Variants in NSD1 observed in about 807,000 individuals in gnomAD.
NSD1 encodes the protein histone-lysine N-methyltransferase, H3 lysine-36 specific.
In NSD1, 26 loss-of-function variants were observed where a neutral mutation model predicts 242.7. The ratio of observed to expected loss-of-function variants is 0.11; its 90% CI spans 0.08 to 0.15. The LOEUF is 0.15. Among genes scored for constraint, NSD1 ranks in the 10% least tolerant of loss-of-function variants. The pLI, the probability that NSD1 is intolerant of heterozygous loss-of-function variation, is 1.00. For synonymous variants in NSD1, 1,106 were observed against 1,178.1 expected (o/e 0.94, Z 1.25); for missense variants, 2,495 against 3,272.8 (o/e 0.76, Z 5.80).
chr5:177,278,009 G>C (rs910077454), intron 17 of NSD1, among the ~76,000 whole-genome samples: 1 of 152,202 alleles, frequency 6.6e-6, no homozygotes, highest in African/African-American at 2.4e-5. Context: ...GTTGTTGTCT[G>C]TCCCCTTAGA....
intron 20 of NSD1, chr5:177,288,600 A>G: frequency 2.0e-6 from 1 of 500,936 alleles, no homozygotes; most frequent in South Asian, 2.3e-5. Context: ...AGGAAGAGTT[A>G]TCTTAAATAT....
intron 2 of NSD1, among the ~76,000 whole-genome samples, chr5:177,162,222 C>T (rs968691443): frequency 2.0e-5 from 3 of 151,392 alleles, no homozygotes; most frequent in Non-Finnish European, 2.9e-5. Context: ...TGCTTCAACC[C>T]GGGAGGTGGA....
Position 177,300,057 on chromosome 5 carries a change from G to GCCCCCCCCCCCCCCCC in NSD1, c.*4611_*4612insCCCCCCCCCCCCCCCC, listed in dbSNP as rs60995782. On this transcript the variant is annotated 3_prime_UTR_variant, in exon 23 of 23. Coordinates refer to ENST00000439151, the MANE Select transcript of NSD1 (RefSeq NM_022455.5). ...AGGTCCATCATTGCTTTTTTGCCGC[G>GCCCCCCCCCCCCCCCC]CCCCCCCCCCCCCGCCCCCATAGAT... 1 of 129,928 alleles carries GCCCCCCCCCCCCCCCC rather than the reference G, an allele frequency of 7.7e-6. No homozygotes were observed. The allele number at this position is 129,928 out of a possible 1,614,324, so 8.0% of individuals were successfully genotyped here.
chr5:177,299,484 G>GT lies in NSD1; in HGVS notation c.*4027dup. The GT allele has an allele frequency of 4.3e-6, 1 of 233,324 alleles. No individual in the cohort carries two copies. Among genetic ancestry groups the GT allele is most frequent in the Non-Finnish European group, 8.5e-6 (1 of 118,086 alleles). The allele number at this position is 233,324 out of a possible 1,614,324, so 14.5% of individuals were successfully genotyped here. A position where few individuals can be genotyped will look rare whatever the true frequency, so the allele number is the denominator to read the frequency against. On this transcript the variant is annotated 3_prime_UTR_variant, in exon 23 of 23. Transcript: ENST00000439151. ...CCGTCCACGCTGCCTGGAGCAGGTTGTTAGAGAGCTCTGGTTGTTGGGTCT... is the reference window on the plus strand; with the variant it reads ...CCGTCCACGCTGCCTGGAGCAGGTTGTTTAGAGAGCTCTGGTTGTTGGGTCT...
rs896220130 is a variant in NSD1 at position 177,201,537 on chromosome 5, C to G, written c.1064-2583C>G. Among the ~76,000 whole-genome samples, 16 of 149,024 alleles carry G rather than the reference C, an allele frequency of 1.1e-4. 1 individual carries two copies. The highest frequency in any genetic ancestry group is 2.1e-4 in the Non-Finnish European group (14 of 67,420). Reference sequence around the variant, plus strand: ...CCTTTGAGGGTTCTGTGCCCTCATACTATAATTCTATCTTTAACTGTTTAC... The same window carrying G: ...CCTTTGAGGGTTCTGTGCCCTCATAGTATAATTCTATCTTTAACTGTTTAC... On this transcript the variant is annotated intron_variant, in intron 3 of 22. Coordinates refer to ENST00000439151, the MANE Select transcript of NSD1 (RefSeq NM_022455.5).
rs139502611 is a variant in NSD1, at chr5:177,257,311, A to G, written c.4966+160A>G. Among the ~76,000 whole-genome samples the G allele has an allele frequency of 7.8e-3, 1,173 of 149,570 alleles. 19 individuals carry two copies. Among genetic ancestry groups the G allele is most frequent in the African/African-American group, 0.024 (988 of 40,416 alleles). On this transcript the variant is annotated intron_variant, in intron 13 of 22. Coordinates refer to ENST00000439151, the MANE Select transcript of NSD1 (RefSeq NM_022455.5). The stretch of plus-strand genomic sequence containing the variant: ...AGTGGCGTGATCTTGGCCCACTGCA[A>G]GCTCCGCCTCCTGGGTTCACGCCAT...
chr5:177,268,521 A>G (rs1757701830), intron 15 of NSD1, among the ~76,000 whole-genome samples: 1 of 152,134 alleles, frequency 6.6e-6, no homozygotes, highest in South Asian at 2.1e-4. Context: ...GGAAAGCACA[A>G]AGGATGTAAC....
chr5:177,200,739 C>T (rs1397382380), intron 3 of NSD1, among the ~76,000 whole-genome samples: 1 of 151,884 alleles, frequency 6.6e-6, no homozygotes, highest in Non-Finnish European at 1.5e-5. Context: ...ATTTCTTTCT[C>T]TCTCTCTCAA....
chr5:177,132,747 C>G (rs1054768051), upstream of NSD1, among the ~76,000 whole-genome samples: 4 of 151,916 alleles, frequency 2.6e-5, no homozygotes, highest in Admixed American at 2.6e-4. The surrounding 1 kb of genome is among the most constrained non-coding windows in gnomAD (Gnocchi z 7.5). Context: ...GCGGGTAACC[C>G]GACCCGGCTC....
At position 177,294,186 on chromosome 5, in the gene NSD1, G is replaced by C. The variant is rs1760084366; in HGVS notation, c.6818G>C (p.Cys2273Ser). The change falls in exon 23 of 23, where the codon TGT becomes TCT. Residue 2273 changes from cysteine to serine, a missense_variant. Physicochemically the swap from Cys to Ser is moderately radical, Grantham distance 112. Around this residue, in one of 19 missense-constraint regions of NSD1, gnomAD observed 475 missense variants for 563.7 expected, o/e 0.84. Coordinates refer to ENST00000439151, the MANE Select transcript of NSD1 (RefSeq NM_022455.5). The part of the protein sequence containing the change: ...SLSKKALAGT[C>S]QRPLLPERPL... ...TCCAAAAAAGCTCTGGCAGGGACTTGTCAGAGGCCATTGCTACCTGAAAGA... is the reference window on the plus strand; with the variant it reads ...TCCAAAAAAGCTCTGGCAGGGACTTCTCAGAGGCCATTGCTACCTGAAAGA... The C allele has an allele frequency of 1.2e-6, 2 of 1,614,050 alleles. No individual in the cohort carries two copies. Among genetic ancestry groups the C allele is most frequent in the Non-Finnish European group, 1.7e-6 (2 of 1,180,038 alleles).
chr5:177,219,301 T>C (rs1179447230), intron 5 of NSD1, among the ~76,000 whole-genome samples: 2 of 151,960 alleles, frequency 1.3e-5, no homozygotes, highest in African/African-American at 4.8e-5. Context: ...TTGTCCTGCC[T>C]CAGCCTCCCA....
Position 177,210,395 on chromosome 5 carries a change from C to G in NSD1, c.1996C>G (p.Pro666Ala). ...GTCTGATAACAGTGTCCTTGAAATT[C>G]CAGATGCTTTCGATAGAACAGAGAA... Reference protein sequence around the residue: ...SESDNSVLEIPDAFDRTENML... With the variant: ...SESDNSVLEIADAFDRTENML... The change falls in exon 5 of 23, where the codon CCA becomes GCA. Residue 666 changes from proline (P) to alanine (A), a missense_variant. By Grantham distance (27) the Pro-to-Ala change is conservative. Coordinates refer to ENST00000439151, the MANE Select transcript of NSD1 (RefSeq NM_022455.5). The G allele has an allele frequency of 1.2e-6, 2 of 1,614,094 alleles. No homozygotes were observed. The highest frequency in any genetic ancestry group is 1.7e-6 in the Non-Finnish European group (2 of 1,180,016).
At chr5:177,249,635 C>T (rs1254869243) in intron 11 of NSD1, among the ~76,000 whole-genome samples, 6 of 152,002 alleles carry the variant, frequency 3.9e-5, no homozygotes, top group African/African-American at 9.7e-5. Flanking sequence ...TATAGGCACC[C>T]GCCACCATGT....
chr5:177,174,153 T>C (rs1759972804), intron 2 of NSD1, among the ~76,000 whole-genome samples: 1 of 151,556 alleles, frequency 6.6e-6, no homozygotes, highest in Non-Finnish European at 1.5e-5. Context: ...GATCACGAGG[T>C]CAAGAGATCG....
Position 177,297,660 on chromosome 5 carries a change from G to C in NSD1, c.*2201G>C, listed in dbSNP as rs1036023087. 7.2e-6 allele frequency: 1 copy of C among 138,382 alleles called. No individual in the cohort carries two copies. Among genetic ancestry groups the C allele is most frequent in the African/African-American group, 2.8e-5 (1 of 35,954 alleles). The allele number at this position is 138,382 out of a possible 1,614,324, so 8.6% of individuals were successfully genotyped here. ...GTTTCATGAAATAAACTGTGAATTT[G>C]GGGGGGGCGGGGGGAGGGCGTGCAG... On this transcript the variant is annotated 3_prime_UTR_variant, in exon 23 of 23. Transcript: ENST00000439151.
chr5:177,230,375 G>C (rs1026679788), intron 5 of NSD1, among the ~76,000 whole-genome samples: 1 of 152,128 alleles, frequency 6.6e-6, no homozygotes. Flanking sequence ...GATGTATCCA[G>C]TACAGAATTT....
intron 17 of NSD1, among the ~76,000 whole-genome samples, chr5:177,279,370 T>C (rs2127254557): frequency 6.6e-6 from 1 of 152,152 alleles, no homozygotes; most frequent in African/African-American, 2.4e-5. Flanking sequence ...TGGTGGTGTG[T>C]GCCTATAGTC....
Position 177,297,230 on chromosome 5 carries a change from C to T in NSD1, c.*1771C>T, listed in dbSNP as rs1329934686. On this transcript the variant is annotated 3_prime_UTR_variant, in exon 23 of 23. Transcript: ENST00000439151. ...GCATTTCACTGAGACCTCGGAATCT[C>T]CTCTGTGAATTCCACCTGCCTAGTT... The T allele has an allele frequency of 4.3e-6, 1 of 232,202 alleles. No homozygotes were observed. The highest frequency in any genetic ancestry group is 8.5e-6 in the Non-Finnish European group (1 of 117,576). The allele number at this position is 232,202 out of a possible 1,614,324, so 14.4% of individuals were successfully genotyped here. A position where few individuals can be genotyped will look rare whatever the true frequency, so the allele number is the denominator to read the frequency against.
Position 177,187,578 on chromosome 5 carries a change from G to A in NSD1, c.928-4306G>A, listed in dbSNP as rs191303539. Among the ~76,000 whole-genome samples, 124 of 152,210 alleles carry A rather than the reference G, an allele frequency of 8.1e-4. 1 individual carries two copies. The highest frequency in any genetic ancestry group is 2.9e-3 in the African/African-American group (119 of 41,536). ...AACAGCAGAAATTCTCTCTCAGTTC[G>A]GGAAGCTAGAAGTACAAACTCAAGT... On this transcript the variant is annotated intron_variant, in intron 2 of 22. Coordinates refer to ENST00000439151, the MANE Select transcript of NSD1 (RefSeq NM_022455.5).
Sources: allele counts gnomAD v4.1 joint callset (sites outside exome capture counted in the v4.1 genomes callset), GRCh38; gene constraint gnomAD v4.1.1; regional missense constraint gnomAD v4.1.1; non-coding constraint Gnocchi (gnomAD v3.1); transcripts MANE v1.5; gene names NCBI Gene and HGNC (gene_info 2026-07-23, HGNC 2026-07-21).